CLVS1: variants seen among roughly 807,000 people sequenced by gnomAD.
The protein encoded by CLVS1 is clavesin 1.
In CLVS1, 10 loss-of-function variants were observed where a neutral mutation model predicts 33.1. The ratio of observed to expected loss-of-function variants is 0.30; its 90% CI spans 0.19 to 0.51. The LOEUF (loss-of-function observed/expected upper bound fraction) is 0.51, where lower values mean the gene tolerates loss of function less well. Among genes scored for constraint, CLVS1 ranks in the 20% least tolerant of loss-of-function variants. CLVS1 has a pLI of 0.97. For synonymous variants in CLVS1, 163 were observed against 166.1 expected (o/e 0.98, Z 0.14); for missense variants, 343 against 433.4 (o/e 0.79, Z 1.85).
intron 2 of CLVS1, among the ~76,000 whole-genome samples, chr8:61,253,114 T>C (rs945955729): frequency 5.9e-5 from 9 of 152,218 alleles, no homozygotes; most frequent in African/African-American, 1.7e-4. Flanking sequence ...AGGGCAGGCC[T>C]GGTGGTGACA....
chr8:61,185,395 C>T (rs1404396242), intron 2 of CLVS1, among the ~76,000 whole-genome samples: 1 of 150,832 alleles, frequency 6.6e-6, no homozygotes, highest in Non-Finnish European at 1.5e-5. Context: ...TTCAAGCTAT[C>T]CTCCCGCCTC....
chr8:61,272,741 AT>A (rs1422945113), intron 2 of CLVS1, among the ~76,000 whole-genome samples: 1 of 151,926 alleles, frequency 6.6e-6, no homozygotes, highest in Non-Finnish European at 1.5e-5. Flanking sequence ...CATTTCATTC[AT>A]TTCATCTTCC....
At chr8:61,439,576 C>T (rs999306647) in intron 3 of CLVS1, among the ~76,000 whole-genome samples, 1 of 152,148 alleles carries the variant, frequency 6.6e-6, no homozygotes, top group Non-Finnish European at 1.5e-5. Flanking sequence ...TAAAATTCTC[C>T]CACTTGAGCT....
In CLVS1 at chr8:61,299,915, C is replaced by T. The variant is rs1810369049; in HGVS notation, c.88C>T (p.Leu30Phe). 1 of 1,613,966 alleles carries T rather than the reference C, an allele frequency of 6.2e-7. No individual in the cohort carries two copies. The highest frequency in any genetic ancestry group is 1.1e-5 in the South Asian group (1 of 91,072). ...LAKMTHLQAGLSPETIEKARL... is the reference protein window; with the variant it reads ...LAKMTHLQAGFSPETIEKARL... ...CAAGATGACCCATTTACAGGCTGGA[C>T]TCAGTCCAGAGACTATAGAGAAAGC... Residue 30 changes from leucine to phenylalanine, a missense_variant, in exon 2 of 6, where the codon CTC becomes TTC. Leu to Phe is a conservative substitution (Grantham distance 22, BLOSUM62 0). Coordinates refer to ENST00000325897, the MANE Select transcript of CLVS1 (RefSeq NM_173519.3).
intron 1 of CLVS1, among the ~76,000 whole-genome samples, chr8:61,070,057 T>G (rs1804764984): frequency 6.6e-6 from 1 of 152,198 alleles, no homozygotes; most frequent in Non-Finnish European, 1.5e-5. Context: ...CCTCCAAAAG[T>G]GCTGGGATTC....
chr8:61,145,973 T>C (rs1037763325), intron 2 of CLVS1, among the ~76,000 whole-genome samples: 1 of 152,238 alleles, frequency 6.6e-6, no homozygotes, highest in African/African-American at 2.4e-5. Flanking sequence ...AGGCTTCAGA[T>C]TTAAGACCAG....
At chr8:61,352,799 A>G (rs1364158083) in intron 2 of CLVS1, among the ~76,000 whole-genome samples, 1 of 152,044 alleles carries the variant, frequency 6.6e-6, no homozygotes, top group Non-Finnish European at 1.5e-5. Flanking sequence ...TAACAATACA[A>G]CAATAAAAAA....
At chr8:61,252,507 G>T (rs767827705) in intron 2 of CLVS1, among the ~76,000 whole-genome samples, 1 of 152,128 alleles carries the variant, frequency 6.6e-6, no homozygotes, top group Non-Finnish European at 1.5e-5. Context: ...CTCTAATATT[G>T]ACAGTGGGGT....
At chr8:61,362,250 GAGAA>G (rs1410562455) in intron 2 of CLVS1, among the ~76,000 whole-genome samples, 1 of 152,202 alleles carries the variant, frequency 6.6e-6, no homozygotes, top group African/African-American at 2.4e-5. Flanking sequence ...CCTGAAAGAT[GAGAA>G]AGAGTCAGCC....
chr8:61,409,379 G>T (rs1036336528), intron 3 of CLVS1, among the ~76,000 whole-genome samples: 1 of 152,022 alleles, frequency 6.6e-6, no homozygotes. Flanking sequence ...TATATATAGT[G>T]CTGTACACTT....
At chr8:61,022,767 C>T in the CLVS1 span, among the ~76,000 whole-genome samples, 1 of 152,166 alleles carries the variant, frequency 6.6e-6, no homozygotes, top group Non-Finnish European at 1.5e-5. Context: ...AAATCAGTTA[C>T]GCTGAAAACA....
At chr8:61,401,899 C>G (rs955280966) in intron 3 of CLVS1, among the ~76,000 whole-genome samples, 2 of 152,114 alleles carry the variant, frequency 1.3e-5, no homozygotes, top group African/African-American at 4.8e-5. Context: ...TTAAGCTCCC[C>G]TCTTATGTAT....
At chr8:61,044,247 G>C in the CLVS1 span, among the ~76,000 whole-genome samples, 1 of 152,170 alleles carries the variant, frequency 6.6e-6, no homozygotes, top group Non-Finnish European at 1.5e-5. Context: ...GTGGTTCTGG[G>C]GCAGGGTCAC....
intron 2 of CLVS1, among the ~76,000 whole-genome samples, chr8:61,307,996 T>C (rs184984529): frequency 2.6e-4 from 39 of 152,352 alleles, no homozygotes; most frequent in African/African-American, 8.7e-4. Flanking sequence ...ATCAGTATTA[T>C]TGATTTTCCT....
chr8:61,144,587 G>T (rs1275245205), intron 2 of CLVS1, among the ~76,000 whole-genome samples: 3 of 152,048 alleles, frequency 2.0e-5, no homozygotes, highest in East Asian at 1.9e-4. Flanking sequence ...TGGGATTTCT[G>T]GGTCAAATGG....
intron 2 of CLVS1, among the ~76,000 whole-genome samples, chr8:61,217,678 C>T (rs902765448): frequency 6.6e-6 from 1 of 152,180 alleles, no homozygotes; most frequent in African/African-American, 2.4e-5. Flanking sequence ...AACTAAAATA[C>T]TTCTGCACAG....
intron 3 of CLVS1, among the ~76,000 whole-genome samples, chr8:61,438,089 T>C (rs57982614): frequency 0.024 from 3,645 of 152,298 alleles, 128 homozygotes; most frequent in African/African-American, 0.082. Flanking sequence ...TACATGGGTA[T>C]ATGTGTGCCA....
At chr8:61,264,121 A>G (rs1809258852) in intron 2 of CLVS1, among the ~76,000 whole-genome samples, 1 of 152,104 alleles carries the variant, frequency 6.6e-6, no homozygotes, top group Non-Finnish European at 1.5e-5. Context: ...AAGAGAACCT[A>G]TAATAGAGGC....
intron 2 of CLVS1, among the ~76,000 whole-genome samples, chr8:61,339,860 GAAAA>G (rs892058561): frequency 7.1e-6 from 1 of 140,478 alleles, no homozygotes; most frequent in African/African-American, 2.7e-5. Context: ...AAAAGAAATA[GAAAA>G]AAGAAATAGA....
Sources: gnomAD v4.1 joint callset for allele counts (sites outside exome capture counted in the v4.1 genomes callset) on GRCh38, gnomAD v4.1.1 for gene constraint, MANE v1.5 for transcripts, NCBI Gene and HGNC (gene_info 2026-07-23, HGNC 2026-07-21) for gene names.